CHL1: variants seen among roughly 807,000 people sequenced by gnomAD.
The protein encoded by CHL1 is neural cell adhesion molecule L1-like protein.
A neutral mutation model predicts 141.9 loss-of-function variants in CHL1; 96 were observed. The ratio of observed to expected loss-of-function variants is 0.68; its 90% CI spans 0.57 to 0.80. The LOEUF is 0.80. Among genes scored for constraint, CHL1 ranks in the 30% least tolerant of loss-of-function variants. The probability of loss-of-function intolerance (pLI) is 0.00; values close to 1 mark genes in which losing one functional copy is unlikely to be tolerated. For missense variants in CHL1, 1,820 were observed against 1,457.2 expected (o/e 1.25, Z -4.05); for synonymous variants, 613 against 502.2 (o/e 1.22, Z -2.95).
intron 15 of CHL1, among the ~76,000 whole-genome samples, chr3:376,160 A>G (rs1706288324): frequency 6.6e-6 from 1 of 152,228 alleles, no homozygotes; most frequent in Admixed American, 6.5e-5. Flanking sequence ...CAGCTGACCT[A>G]TGATGGGAAC....
At chr3:395,470 A>G (rs947590188) in intron 24 of CHL1, among the ~76,000 whole-genome samples, 5 of 152,098 alleles carry the variant, frequency 3.3e-5, no homozygotes, top group African/African-American at 1.2e-4. Flanking sequence ...CCCAAATTGC[A>G]TCTCCAGTTA....
At chr3:298,831 AT>A (rs545856144) in intron 2 of CHL1, among the ~76,000 whole-genome samples, 1 of 152,138 alleles carries the variant, frequency 6.6e-6, no homozygotes, top group Admixed American at 6.6e-5. Context: ...CTGCCTTCAA[AT>A]TTTTTTACCA....
Position 319,843 on chromosome 3 carries a change from A to T in CHL1, c.67A>T (p.Lys23Ter), listed in dbSNP as rs1700422582. The T allele has an allele frequency of 1.3e-6, 2 of 1,597,620 alleles. No homozygotes were observed. The highest frequency in any genetic ancestry group is 1.3e-5 in the African/African-American group (1 of 74,190). The change falls in exon 3 of 28, where the codon AAA becomes TAA. Residue 23 changes from lysine (K) to a stop codon, truncating the protein, a stop_gained. Transcript: ENST00000256509. LOFTEE classifies it high-confidence loss of function. ...AATGTTCCTCCTGTTAAAATTCTCA[A>T]AAGCAATTGAAATACCATCTTCAGG... ...YLMFLLLKFSKAIEIPSSVQQ... is the reference protein window; with the variant it reads ...YLMFLLLKFS
At chr3:396,916 G>A (rs546622094) in intron 24 of CHL1, among the ~76,000 whole-genome samples, 2 of 152,186 alleles carry the variant, frequency 1.3e-5, no homozygotes, top group East Asian at 3.9e-4. Flanking sequence ...CTCTAAAAAT[G>A]ATCACTTGTG....
At chr3:376,034 A>C (rs1250433335) in intron 15 of CHL1, among the ~76,000 whole-genome samples, 1 of 152,216 alleles carries the variant, frequency 6.6e-6, no homozygotes, top group Non-Finnish European at 1.5e-5. Flanking sequence ...AATTAAGCAG[A>C]TGAAGGCAAA....
chr3:322,873 A>G (rs909398958), intron 3 of CHL1, among the ~76,000 whole-genome samples: 1 of 151,168 alleles, frequency 6.6e-6, no homozygotes, highest in African/African-American at 2.4e-5. Flanking sequence ...CCATATACTC[A>G]GAGTAAAAAA....
intron 1 of CHL1, among the ~76,000 whole-genome samples, chr3:218,952 C>T (rs1700572139): frequency 6.6e-6 from 1 of 152,054 alleles, no homozygotes; most frequent in African/African-American, 2.4e-5. Context: ...CGAGACCGTC[C>T]TGGCTAACAC....
At chr3:246,161 G>T (rs1048602735) in intron 2 of CHL1, among the ~76,000 whole-genome samples, 1 of 151,934 alleles carries the variant, frequency 6.6e-6, no homozygotes, top group Non-Finnish European at 1.5e-5. Context: ...AATCTTCTGA[G>T]ATAGTAATGA....
At chr3:298,657 G>C (rs1328585435) in intron 2 of CHL1, among the ~76,000 whole-genome samples, 1 of 152,142 alleles carries the variant, frequency 6.6e-6, no homozygotes, top group South Asian at 2.1e-4. Flanking sequence ...TCATTCATGA[G>C]TCAAATCTCA....
intron 2 of CHL1, among the ~76,000 whole-genome samples, chr3:273,429 C>T (rs537674522): frequency 1.7e-3 from 256 of 152,240 alleles, no homozygotes; most frequent in African/African-American, 6.0e-3. Flanking sequence ...TCCATAAAGA[C>T]AATTATCACT....
intron 2 of CHL1, among the ~76,000 whole-genome samples, chr3:305,647 A>G (rs894604553): frequency 6.6e-6 from 1 of 151,422 alleles, no homozygotes; most frequent in Admixed American, 6.6e-5. Context: ...TAATAGATAT[A>G]TCATTTATAT....
At chr3:326,312 A>G (rs925719464) in intron 4 of CHL1, among the ~76,000 whole-genome samples, 1 of 152,066 alleles carries the variant, frequency 6.6e-6, no homozygotes, top group East Asian at 1.9e-4. Context: ...AGTCTTTGGT[A>G]CAGCAGAAAT....
At chr3:228,141 C>T (rs1283710589) in intron 1 of CHL1, among the ~76,000 whole-genome samples, 1 of 152,122 alleles carries the variant, frequency 6.6e-6, no homozygotes, top group Non-Finnish European at 1.5e-5. Context: ...GAAGTTAAAA[C>T]CAAAGTTAAT....
At chr3:317,571 A>C (rs1031353598) in intron 2 of CHL1, among the ~76,000 whole-genome samples, 18 of 151,678 alleles carry the variant, frequency 1.2e-4, no homozygotes, top group African/African-American at 4.1e-4. Flanking sequence ...AATGGAACCG[A>C]GTATTAAATA....
chr3:258,546 G>T (rs960330602), intron 2 of CHL1, among the ~76,000 whole-genome samples: 1 of 152,186 alleles, frequency 6.6e-6, no homozygotes, highest in African/African-American at 2.4e-5. Flanking sequence ...ACTTTCACAT[G>T]TTTGAAGATA....
chr3:225,940 C>G (rs1452516724), intron 1 of CHL1, among the ~76,000 whole-genome samples: 1 of 150,594 alleles, frequency 6.6e-6, no homozygotes, highest in Admixed American at 6.6e-5. Context: ...ACCTGGGAGG[C>G]GGAGCTTGCA....
intron 25 of CHL1, 75 bp downstream of exon 25, chr3:398,460 C>A: frequency 1.2e-6 from 1 of 802,412 alleles, no homozygotes; most frequent in Non-Finnish European, 1.9e-6. Flanking sequence ...TGCCTGTGTC[C>A]TATATTAAAC....
intron 23 of CHL1, 99 bp downstream of exon 23, chr3:391,896 AT>A: frequency 1.0e-6 from 1 of 970,996 alleles, no homozygotes; most frequent in Non-Finnish European, 1.5e-6. Flanking sequence ...ACTTAAGGCC[AT>A]GGTTTGTAAG....
chr3:394,953 G>A, intron 24 of CHL1, 81 bp downstream of exon 24: 4 of 1,147,140 alleles, frequency 3.5e-6, no homozygotes, highest in Admixed American at 5.6e-5. Flanking sequence ...TGAAAGGAAA[G>A]CACCGTGCCA....
Sources: gnomAD v4.1 joint callset for allele counts (sites outside exome capture counted in the v4.1 genomes callset) on GRCh38, gnomAD v4.1.1 for gene constraint, MANE v1.5 for transcripts, NCBI Gene and HGNC (gene_info 2026-07-23, HGNC 2026-07-21) for gene names.